CADM2: variants seen among roughly 807,000 people sequenced by gnomAD.
CADM2 encodes immunoglobulin superfamily member 4D.
CADM2 carries 12 observed loss-of-function variants against 49.8 expected under a neutral mutation model. That is an observed-to-expected ratio of 0.24 (90% confidence interval 0.15 to 0.39). The LOEUF (loss-of-function observed/expected upper bound fraction) is 0.39. Among genes scored for constraint, CADM2 ranks in the 10% least tolerant of loss-of-function variants. The pLI, the probability that CADM2 is intolerant of heterozygous loss-of-function variation, is 1.00. For missense variants in CADM2, 378 were observed against 492.3 expected, an observed-to-expected ratio of 0.77 and a Z score of 2.20; for synonymous variants, 214 against 175.4, an observed-to-expected ratio of 1.22 and a Z score of -1.74.
intron 2 of CADM2, among the ~76,000 whole-genome samples, chr3:85,761,916 G>T (rs2107905412): frequency 6.6e-6 from 1 of 152,256 alleles, no homozygotes; most frequent in East Asian, 1.9e-4. Flanking sequence ...AACAGGTAGG[G>T]AAATGAGAGC....
intron 1 of CADM2, among the ~76,000 whole-genome samples, chr3:85,261,219 C>T (rs2043008393): frequency 6.6e-6 from 1 of 152,124 alleles, no homozygotes; most frequent in Non-Finnish European, 1.5e-5. Context: ...TCATTGCAAC[C>T]TCTGCCGCCT....
intron 1 of CADM2, among the ~76,000 whole-genome samples, chr3:85,099,201 C>T (rs1290368797): frequency 1.3e-5 from 2 of 152,078 alleles, no homozygotes; most frequent in African/African-American, 4.8e-5. Flanking sequence ...ATACATTTTT[C>T]CCCAAGGGAG....
At chr3:85,770,386 C>T (rs577366532) in intron 2 of CADM2, among the ~76,000 whole-genome samples, 7 of 152,194 alleles carry the variant, frequency 4.6e-5, no homozygotes, top group Admixed American at 2.6e-4. Flanking sequence ...TGGCTCACTG[C>T]AGCCTTGACA....
chr3:85,551,790 G>T (rs1449408), intron 1 of CADM2, among the ~76,000 whole-genome samples: 1 of 151,730 alleles, frequency 6.6e-6, no homozygotes, highest in Non-Finnish European at 1.5e-5. Flanking sequence ...ATTTCCTACT[G>T]GGTATATAAT....
chr3:85,008,091 A>G (rs2033824513), intron 1 of CADM2, among the ~76,000 whole-genome samples: 1 of 152,186 alleles, frequency 6.6e-6, no homozygotes, highest in South Asian at 2.1e-4. Context: ...AGTTGGCTCA[A>G]CTACCTAAAA....
At chr3:84,982,751 T>A (rs2032281147) in intron 1 of CADM2, among the ~76,000 whole-genome samples, 2 of 137,994 alleles carry the variant, frequency 1.4e-5, no homozygotes, top group Admixed American at 7.1e-5. Flanking sequence ...TTTGTTTTTT[T>A]AATTTTTTTT....
At chr3:85,031,652 C>T (rs981451666) in intron 1 of CADM2, among the ~76,000 whole-genome samples, 2 of 152,076 alleles carry the variant, frequency 1.3e-5, no homozygotes, top group Admixed American at 6.5e-5. Context: ...GTAGCTGGGA[C>T]TACAGGCACA....
intron 1 of CADM2, among the ~76,000 whole-genome samples, chr3:85,150,405 A>C (rs2039884660): frequency 3.9e-5 from 6 of 152,310 alleles, no homozygotes; most frequent in Admixed American, 2.0e-4. Context: ...ATACATTTAA[A>C]ATTTATGTAT....
chr3:85,560,088 G>A (rs906846573), intron 1 of CADM2, among the ~76,000 whole-genome samples: 2 of 152,004 alleles, frequency 1.3e-5, no homozygotes, highest in Admixed American at 1.3e-4. Flanking sequence ...GCTTGTTTAT[G>A]GATTTTAAAA....
intron 1 of CADM2, among the ~76,000 whole-genome samples, chr3:85,206,359 G>C (rs961665664): frequency 6.8e-5 from 10 of 147,282 alleles, no homozygotes; most frequent in Admixed American, 2.8e-4. Flanking sequence ...CCAGGCTGGA[G>C]TGCAGTGGCG....
chr3:85,140,195 G>C (rs762956046), intron 1 of CADM2, among the ~76,000 whole-genome samples: 1 of 152,092 alleles, frequency 6.6e-6, no homozygotes, highest in South Asian at 2.1e-4. Context: ...CTTGGATCAC[G>C]TACAGTTACT....
intron 8 of CADM2, among the ~76,000 whole-genome samples, chr3:86,022,825 T>G (rs955510678): frequency 3.9e-5 from 6 of 152,140 alleles, no homozygotes; most frequent in Non-Finnish European, 8.8e-5. Flanking sequence ...TTAATTCAGC[T>G]TCCATGTCAT....
intron 1 of CADM2, among the ~76,000 whole-genome samples, chr3:85,122,823 A>G (rs908524016): frequency 2.6e-5 from 4 of 151,928 alleles, no homozygotes; most frequent in African/African-American, 9.7e-5. Context: ...CTCTTCTTCC[A>G]TTGTATGGCT....
At chr3:85,243,756 C>T (rs957883891) in intron 1 of CADM2, among the ~76,000 whole-genome samples, 3 of 152,006 alleles carry the variant, frequency 2.0e-5, no homozygotes, top group South Asian at 2.1e-4. Context: ...TAGCTTTATT[C>T]GAATAAAAAT....
chr3:86,037,896 A>G (rs1735363621), intron 8 of CADM2, among the ~76,000 whole-genome samples: 1 of 152,166 alleles, frequency 6.6e-6, no homozygotes. Flanking sequence ...TTGCATAAGT[A>G]TACATGTGCC....
chr3:85,992,827 G>C (rs1728946014), intron 8 of CADM2: 1 of 152,156 alleles, frequency 6.6e-6, no homozygotes, highest in African/African-American at 2.4e-5. Context: ...GATTGCTGAA[G>C]GTTAGAGTGG....
intron 1 of CADM2, among the ~76,000 whole-genome samples, chr3:85,269,761 C>T (rs1029096618): frequency 4.6e-5 from 7 of 151,040 alleles, no homozygotes; most frequent in South Asian, 2.1e-4. Context: ...CTTTTGAGGC[C>T]GAATCAATGC....
intron 8 of CADM2, among the ~76,000 whole-genome samples, chr3:86,055,166 C>T (rs72912464): frequency 0.036 from 5,450 of 152,206 alleles, 326 homozygotes; most frequent in African/African-American, 0.12. Context: ...TTATGAAGCT[C>T]ATTGTTTTAT....
chr3:84,978,618 G>A (rs1292519935), intron 1 of CADM2, among the ~76,000 whole-genome samples: 1 of 152,088 alleles, frequency 6.6e-6, no homozygotes, highest in East Asian at 1.9e-4. Flanking sequence ...AAAATAGAGC[G>A]GAGGAATTTA....
Sources: gnomAD v4.1 joint callset for allele counts (sites outside exome capture counted in the v4.1 genomes callset) on GRCh38, gnomAD v4.1.1 for gene constraint, MANE v1.5 for transcripts, NCBI Gene and HGNC (gene_info 2026-07-23, HGNC 2026-07-21) for gene names.